ADAM12: variants seen among roughly 807,000 people sequenced by gnomAD.
The protein encoded by ADAM12 is disintegrin and metalloproteinase domain-containing protein 12.
A neutral mutation model predicts 106.4 loss-of-function variants in ADAM12; 70 were observed. The ratio of observed to expected loss-of-function variants is 0.66; its 90% confidence interval spans 0.54 to 0.80. The LOEUF (loss-of-function observed/expected upper bound fraction) is 0.80, where lower values mean the gene tolerates loss of function less well. ADAM12 is among the 30% of genes least tolerant of loss of function. ADAM12 has a pLI of 0.00. For synonymous variants in ADAM12, 420 were observed against 433.5 expected (o/e 0.97, Z 0.39); for missense variants, 1,010 against 1,171.9 (o/e 0.86, Z 2.02).
At chr10:126,201,322 C>T (rs1957695998) in intron 3 of ADAM12, among the ~76,000 whole-genome samples, 1 of 152,050 alleles carries the variant, frequency 6.6e-6, no homozygotes, top group Non-Finnish European at 1.5e-5. Flanking sequence ...TGAACACAGG[C>T]ACGCAGAGAG....
At chr10:126,058,325 T>G (rs1013621023) in intron 14 of ADAM12, among the ~76,000 whole-genome samples, 29 of 152,234 alleles carry the variant, frequency 1.9e-4, no homozygotes, top group African/African-American at 6.5e-4. Flanking sequence ...ATGTCTCCAG[T>G]GCCCTTCCCG....
intron 2 of ADAM12, among the ~76,000 whole-genome samples, chr10:126,292,451 TCCTGTATATTGTTC>T (rs1565195263): frequency 1.3e-5 from 2 of 152,186 alleles, no homozygotes; most frequent in East Asian, 3.9e-4. Flanking sequence ...CATCAGCCAG[TCCTGTATATTGTTC>T]CCTGAGCTGT....
chr10:126,084,235 G>A (rs1242945674), intron 11 of ADAM12, among the ~76,000 whole-genome samples: 2 of 152,180 alleles, frequency 1.3e-5, no homozygotes, highest in Non-Finnish European at 2.9e-5. Flanking sequence ...GCTTCTGGAC[G>A]TTACCAGAAA....
At chr10:126,265,309 C>A (rs574171140) in intron 3 of ADAM12, among the ~76,000 whole-genome samples, 2 of 152,300 alleles carry the variant, frequency 1.3e-5, no homozygotes, top group South Asian at 4.1e-4. Flanking sequence ...AGGGAAAGTT[C>A]TTCTCTATAG....
intron 22 of ADAM12, among the ~76,000 whole-genome samples, chr10:126,019,277 A>G (rs967008096): frequency 6.6e-5 from 10 of 152,110 alleles, no homozygotes; most frequent in Admixed American, 2.0e-4. Flanking sequence ...CTGTGAGCCA[A>G]TTGAACCTCT....
intron 5 of ADAM12, among the ~76,000 whole-genome samples, chr10:126,131,747 G>A (rs771696017): frequency 6.6e-6 from 1 of 152,200 alleles, no homozygotes; most frequent in Non-Finnish European, 1.5e-5. Flanking sequence ...AGAACTGTGA[G>A]AAATAAAATT....
intron 7 of ADAM12, among the ~76,000 whole-genome samples, chr10:126,109,418 T>C (rs1955829557): frequency 6.6e-6 from 1 of 152,202 alleles, no homozygotes; most frequent in Admixed American, 6.5e-5. Flanking sequence ...ATTAATGACA[T>C]ATGGGATATT....
chr10:126,247,274 G>A (rs1958649211), intron 3 of ADAM12, among the ~76,000 whole-genome samples: 1 of 152,210 alleles, frequency 6.6e-6, no homozygotes, highest in African/African-American at 2.4e-5. Context: ...TGCCTTTAGA[G>A]AGAGTCTGAA....
At chr10:126,019,639 G>A in intron 22 of ADAM12, 56 bp downstream of exon 22, 1 of 1,588,144 alleles carries the variant, frequency 6.3e-7, no homozygotes, top group South Asian at 1.2e-5. Context: ...ATTAGTCGTG[G>A]TTGGTCCCAC....
At chr10:126,031,563 C>G (rs1239991899) in intron 21 of ADAM12, among the ~76,000 whole-genome samples, 1 of 152,206 alleles carries the variant, frequency 6.6e-6, no homozygotes, top group African/African-American at 2.4e-5. Context: ...GTAACAGCCC[C>G]AGCTCATCAT....
intron 3 of ADAM12, among the ~76,000 whole-genome samples, chr10:126,206,860 C>CCCGGG (rs1957806969): frequency 1.0e-5 from 1 of 97,834 alleles, no homozygotes. Flanking sequence ...GTTGTGGGGG[C>CCCGGG]GGGGGGGAGC....
At chr10:126,349,347 T>C (rs780345656) in intron 1 of ADAM12, among the ~76,000 whole-genome samples, 14 of 152,204 alleles carry the variant, frequency 9.2e-5, no homozygotes, top group Non-Finnish European at 1.8e-4. Context: ...CCAAAAGCAG[T>C]CTAACAAATA....
intron 21 of ADAM12, among the ~76,000 whole-genome samples, chr10:126,035,264 A>C (rs1357692848): frequency 6.6e-6 from 1 of 152,166 alleles, no homozygotes; most frequent in African/African-American, 2.4e-5. Flanking sequence ...TCAACCCAAT[A>C]TTTTACTTTT....
chr10:126,037,449 T>C (rs1379303410), intron 20 of ADAM12, among the ~76,000 whole-genome samples: 1 of 152,232 alleles, frequency 6.6e-6, no homozygotes, highest in African/African-American at 2.4e-5. Flanking sequence ...CCCCACCCTT[T>C]GCGTTTTTTG....
intron 2 of ADAM12, among the ~76,000 whole-genome samples, chr10:126,280,057 C>A (rs2133756524): frequency 6.6e-6 from 1 of 152,284 alleles, no homozygotes; most frequent in South Asian, 2.1e-4. Context: ...AAGATCTTTT[C>A]ACAATATATA....
At chr10:126,155,411 T>A in intron 3 of ADAM12, 106 bp from the exon 4 acceptor site, 1 of 1,028,606 alleles carries the variant, frequency 9.7e-7, no homozygotes, top group Non-Finnish European at 1.4e-6. Flanking sequence ...CTCCTTTTTT[T>A]TTTTTTAACA....
intron 5 of ADAM12, among the ~76,000 whole-genome samples, chr10:126,121,120 T>TA (rs1491076174): frequency 2.6e-5 from 1 of 39,036 alleles, no homozygotes; most frequent in African/African-American, 1.0e-4. Context: ...AGTATATATA[T>TA]AGTATATATA....
At chr10:126,312,674 A>AT (rs1961162876) in intron 2 of ADAM12, among the ~76,000 whole-genome samples, 1 of 152,138 alleles carries the variant, frequency 6.6e-6, no homozygotes, top group African/African-American at 2.4e-5. Flanking sequence ...GCCAAACATG[A>AT]TATCAAGATT....
At chr10:126,193,503 G>C (rs2133807291) in intron 3 of ADAM12, among the ~76,000 whole-genome samples, 1 of 152,210 alleles carries the variant, frequency 6.6e-6, no homozygotes, top group Non-Finnish European at 1.5e-5. Flanking sequence ...GGTTTAAACT[G>C]GGCACTTTAA....
Sources: gnomAD v4.1 joint callset for allele counts (sites outside exome capture counted in the v4.1 genomes callset) on GRCh38, gnomAD v4.1.1 for gene constraint, MANE v1.5 for transcripts, NCBI Gene and HGNC (gene_info 2026-07-23, HGNC 2026-07-21) for gene names.